Variants in MYO1G observed in about 807,000 individuals in gnomAD.
MYO1G encodes the protein unconventional myosin-Ig.
A neutral mutation model predicts 115.3 loss-of-function variants in MYO1G; 65 were observed. That is an observed-to-expected ratio of 0.56 (90% CI 0.46 to 0.69). The LOEUF (loss-of-function observed/expected upper bound fraction) is 0.69. MYO1G is among the 30% of genes least tolerant of loss of function. The probability of loss-of-function intolerance (pLI) is 0.00; values close to 1 mark genes in which losing one functional copy is unlikely to be tolerated. For missense variants in MYO1G, 1,204 were observed against 1,393.5 expected (o/e 0.86, Z 2.16); for synonymous variants, 510 against 552.6 (o/e 0.92, Z 1.08).
Position 44,962,866 on chromosome 7 carries a change from G to A in MYO1G, c.2930C>T (p.Ser977Phe). 1 of 1,501,316 alleles carries A rather than the reference G, an allele frequency of 6.7e-7. No individual in the cohort carries two copies. The highest frequency in any genetic ancestry group is 2.7e-5 in the East Asian group (1 of 37,726). The allele number at this position is 1,501,316 out of a possible 1,614,324, so 93.0% of individuals were successfully genotyped here. ...GEGRTLEVRV[S>F]DCIPLSHRGV... ...GCGATGGCTTAGTGGGATGCAGTCG[G>A]AGACGCGAACCTCCAGGGTGCGGCC... Residue 977 changes from serine (S) to phenylalanine (F), a missense_variant, in exon 22 of 22, where the codon TCC becomes TTC. Transcript: ENST00000258787. This position sits in a 1 kb window ranked among gnomAD's most constrained non-coding sequence, Gnocchi z 5.3.
At chr7:44,965,124 CAT>C (rs746410605) in intron 17 of MYO1G, 35 bp from the exon 18 acceptor site, 1 of 1,579,150 alleles carries the variant, frequency 6.3e-7, no homozygotes, top group African/African-American at 1.3e-5. Flanking sequence ...AGATGCTGGC[CAT>C]GTGTTCATGT....
chr7:44,968,486 T>A (rs147887687), intron 12 of MYO1G: 1 of 152,370 alleles, frequency 6.6e-6, no homozygotes, highest in African/African-American at 2.4e-5. Context: ...GCAGCACCTA[T>A]GAAGGCTCAG....
chr7:44,968,005 G>A, intron 12 of MYO1G, 47 bp from the exon 13 acceptor site: 2 of 1,549,386 alleles, frequency 1.3e-6, no homozygotes, highest in East Asian at 4.5e-5. Flanking sequence ...GGGGCTGCCA[G>A]GCCAGAGTGC....
chr7:44,965,534 G>A, intron 17 of MYO1G, 103 bp downstream of exon 17: 1 of 1,095,558 alleles, frequency 9.1e-7, no homozygotes, highest in South Asian at 1.4e-5. Context: ...CTATCAAGGG[G>A]GCTGGTGTAT....
Position 44,970,783 on chromosome 7 carries a change from T to A in MYO1G, c.1072-46A>T, listed in dbSNP as rs202027570. The A allele has an allele frequency of 7.2e-4, 1,166 of 1,613,344 alleles. 7 individuals carry two copies. The Middle Eastern group carries it at 0.016, about 22-fold the overall frequency. On this transcript the variant is annotated intron_variant, in intron 8 of 21. Coordinates refer to ENST00000258787, the MANE Select transcript of MYO1G (RefSeq NM_033054.3). ...GCTTCCTGCTGCCTCTGGCCTGGCCTCCCCCATGAAGGCCTCCTGGGCTTC... is the reference window on the plus strand; with the variant it reads ...GCTTCCTGCTGCCTCTGGCCTGGCCACCCCCATGAAGGCCTCCTGGGCTTC...
rs1022646440 is a variant in MYO1G, at chr7:44,966,626, C to T, written c.1949+46G>A. 1 of 1,611,042 alleles carries T rather than the reference C, an allele frequency of 6.2e-7. No individual in the cohort carries two copies. Among genetic ancestry groups the T allele is most frequent in the Non-Finnish European group, 8.5e-7 (1 of 1,178,696 alleles). Reference sequence around the variant, plus strand: ...CTCTGCTCCTACCCCTTGGACTCCACACAGGGACTATGGCCCATGGAGTGA... The same window carrying T: ...CTCTGCTCCTACCCCTTGGACTCCATACAGGGACTATGGCCCATGGAGTGA... On this transcript the variant is annotated intron_variant, in intron 15 of 21. Coordinates refer to ENST00000258787, the MANE Select transcript of MYO1G (RefSeq NM_033054.3). This position sits in a 1 kb window ranked among gnomAD's most constrained non-coding sequence, Gnocchi z 5.0.
chr7:44,965,582 A>G, intron 17 of MYO1G, 55 bp downstream of exon 17: 3 of 1,528,764 alleles, frequency 2.0e-6, no homozygotes, highest in Non-Finnish European at 2.7e-6. Flanking sequence ...ATGATGGGTT[A>G]AGGTATTCAG....
rs1285111853 is a variant in MYO1G, at chr7:44,966,431, CAT to C, written c.1950-153_1950-152del. The C allele has an allele frequency of 4.9e-6, 4 of 819,116 alleles. No homozygotes were observed. Among genetic ancestry groups the C allele is most frequent in the Non-Finnish European group, 8.1e-6 (4 of 492,420 alleles). 50.7% of individuals were successfully genotyped at this position (819,116 alleles called of 1,614,324 possible). The stretch of plus-strand genomic sequence containing the variant: ...CTGTGCACATATGTCTTCCCATACA[CAT>C]GTCCTCACATACATGTCCTCACACA... On this transcript the variant is annotated intron_variant, in intron 15 of 21. Transcript: ENST00000258787. The surrounding 1 kb of genome is among the most constrained non-coding windows in gnomAD (Gnocchi z 5.0).
At position 44,970,165 on chromosome 7, in the gene MYO1G, G is replaced by T; in HGVS notation, c.1218-11C>A. The T allele has an allele frequency of 6.2e-7, 1 of 1,600,350 alleles. No homozygotes were observed. The highest frequency in any genetic ancestry group is 8.6e-7 in the Non-Finnish European group (1 of 1,168,328). On this transcript the variant is annotated splice_polypyrimidine_tract_variant and intron_variant, in intron 9 of 21. Coordinates refer to ENST00000258787, the MANE Select transcript of MYO1G (RefSeq NM_033054.3). ...CAGAACTGCTCGAAACTGGGGGTGG[G>T]GTGGGCCTTTCAGAGGGGAGGTCGC...
Position 44,962,941 on chromosome 7 carries a change from G to C in MYO1G, c.2900+29C>G, listed in dbSNP as rs1350284383. 6.6e-7 allele frequency: 1 copy of C among 1,508,346 alleles called. No individual in the cohort carries two copies. Among genetic ancestry groups the C allele is most frequent in the South Asian group, 1.2e-5 (1 of 80,544 alleles). 93.4% of individuals were successfully genotyped at this position (1,508,346 alleles called of 1,614,324 possible). A position where few individuals can be genotyped will look rare whatever the true frequency, so the allele number is the denominator to read the frequency against. ...AGGGCGGCCACGCGGCCGGGGCTTC[G>C]TGCCCGCTACCGCCCAGCCTGCACT... On this transcript the variant is annotated intron_variant, in intron 21 of 21. Coordinates refer to ENST00000258787, the MANE Select transcript of MYO1G (RefSeq NM_033054.3). The surrounding 1 kb of genome is among the most constrained non-coding windows in gnomAD (Gnocchi z 5.3).
Position 44,962,939 on chromosome 7 carries a change from T to C in MYO1G, c.2900+31A>G, listed in dbSNP as rs1303886556. 2.7e-6 allele frequency: 4 copies of C among 1,507,282 alleles called. No individual in the cohort carries two copies. The Admixed American group carries it at 8.6e-5, about 32-fold the overall frequency. 93.4% of individuals were successfully genotyped at this position (1,507,282 alleles called of 1,614,324 possible). ...TCAGGGCGGCCACGCGGCCGGGGCT[T>C]CGTGCCCGCTACCGCCCAGCCTGCA... is the stretch of plus-strand genomic sequence containing the variant. On this transcript the variant is annotated intron_variant, in intron 21 of 21. Transcript: ENST00000258787. This position sits in a 1 kb window ranked among gnomAD's most constrained non-coding sequence, Gnocchi z 5.3.
At chr7:44,972,434 A>AGCTATGACTCCACCATGAAGTCACTGT in intron 5 of MYO1G, 1 of 547,564 alleles carries the variant, frequency 1.8e-6, no homozygotes. Flanking sequence ...CTTCAGTGGG[A>AGCTATGACTCCACCATGAAGTCACTGT]GCTATGACTC....
At position 44,967,724 on chromosome 7, in the gene MYO1G, GAGT is replaced by G. The variant is rs1328515830; in HGVS notation, c.1660_1662del (p.Thr554del). 1 of 1,613,490 alleles carries G rather than the reference GAGT, an allele frequency of 6.2e-7. No homozygotes were observed. Among genetic ancestry groups the G allele is most frequent in the Non-Finnish European group, 8.5e-7 (1 of 1,180,042 alleles). On this transcript the variant is annotated inframe_deletion, in exon 14 of 22. Transcript: ENST00000258787. ...TGCCCGTCCGGCCACATGGCCCGTA[GAGT>G]GGGGTCCGTGCTGCAGACACAGGCC...
rs1181978067 is a variant in MYO1G at position 44,964,146 on chromosome 7, T to C, written c.2648A>G (p.Lys883Arg). 6 of 1,596,246 alleles carry C rather than the reference T, an allele frequency of 3.8e-6. No homozygotes were observed. The highest frequency in any genetic ancestry group is 1.7e-5 in the Admixed American group (1 of 57,286). ...SHVRKVNRFH[K>R]IRNRALLLTD... Reference sequence around the variant, plus strand: ...GAGCAGGAGGGCCCGGTTCCGGATCTTGTGGAAGCGGTTCACCTGTGGGAG... The same window carrying C: ...GAGCAGGAGGGCCCGGTTCCGGATCCTGTGGAAGCGGTTCACCTGTGGGAG... The change falls in exon 20 of 22, where the codon AAG (lysine) becomes AGG (arginine). Residue 883 changes from lysine to arginine, a missense_variant. Physicochemically the swap from Lys to Arg is conservative, Grantham distance 26. Coordinates refer to ENST00000258787, the MANE Select transcript of MYO1G (RefSeq NM_033054.3). This position sits in a 1 kb window ranked among gnomAD's most constrained non-coding sequence, Gnocchi z 5.1.
Position 44,963,010 on chromosome 7 carries a change from C to CT in MYO1G, c.2859_2860insA (p.Val954SerfsTer?). The CT allele has an allele frequency of 6.5e-7, 1 of 1,533,180 alleles. No homozygotes were observed. Among genetic ancestry groups the CT allele is most frequent in the South Asian group, 1.2e-5 (1 of 83,818 alleles). The allele number at this position is 1,533,180 out of a possible 1,614,324, so 95.0% of individuals were successfully genotyped here. A position where few individuals can be genotyped will look rare whatever the true frequency, so the allele number is the denominator to read the frequency against. ...GCCAGCACGCCCACCAGCTCCCCAA[C>CT]GCGGTTGTCCAATGGCGGCCGGGAG... On this transcript the variant is annotated frameshift_variant, in exon 21 of 22. Transcript: ENST00000258787. LOFTEE classifies it high-confidence loss of function. The surrounding 1 kb of genome is among the most constrained non-coding windows in gnomAD (Gnocchi z 4.1).
intron 3 of MYO1G, 80 bp from the exon 4 acceptor site, chr7:44,975,729 A>G (rs1331969222): frequency 5.8e-6 from 8 of 1,390,652 alleles, no homozygotes; most frequent in Non-Finnish European, 7.6e-6. Context: ...AGTCTTCCCA[A>G]CAGAAATCAC....
Position 44,962,854 on chromosome 7 carries a change from G to A in MYO1G, c.2942C>T (p.Pro981Leu). Residue 981 changes from proline to leucine, a missense_variant, in exon 22 of 22, where the codon CCA becomes CTA. Transcript: ENST00000258787. This position sits in a 1 kb window ranked among gnomAD's most constrained non-coding sequence, Gnocchi z 5.3. ...GCGCCGGACCCCGCGATGGCTTAGTGGGATGCAGTCGGAGACGCGAACCTC... is the reference window on the plus strand; with the variant it reads ...GCGCCGGACCCCGCGATGGCTTAGTAGGATGCAGTCGGAGACGCGAACCTC... ...TLEVRVSDCI[P>L]LSHRGVRRLI... 1.3e-6 allele frequency: 2 copies of A among 1,509,840 alleles called. No homozygotes were observed. Among genetic ancestry groups the A allele is most frequent in the Non-Finnish European group, 8.8e-7 (1 of 1,131,630 alleles). The allele number at this position is 1,509,840 out of a possible 1,614,324, so 93.5% of individuals were successfully genotyped here. A position where few individuals can be genotyped will look rare whatever the true frequency, so the allele number is the denominator to read the frequency against.
In MYO1G at chr7:44,971,772, C is replaced by T. The variant is rs1469763171; in HGVS notation, c.747G>A (p.Glu249=). ...MTVHSALDSD[E]QSHQAVTEAM... ...CCTCGGTCACTGCCTGGTGGCTCTG[C>T]TCATCACTGTCCAAGGCCTAGGGTA... Residue 249 remains glutamate, a synonymous_variant, in exon 7 of 22, where the codon GAG becomes GAA. Coordinates refer to ENST00000258787, the MANE Select transcript of MYO1G (RefSeq NM_033054.3). 1.9e-6 allele frequency: 3 copies of T among 1,555,894 alleles called. No individual in the cohort carries two copies. The highest frequency in any genetic ancestry group is 1.9e-5 in the Admixed American group (1 of 51,642).
chr7:44,966,001 G>A lies in MYO1G; in HGVS notation c.2157+72C>T. On this transcript the variant is annotated intron_variant, in intron 16 of 21. Coordinates refer to ENST00000258787, the MANE Select transcript of MYO1G (RefSeq NM_033054.3). This position sits in a 1 kb window ranked among gnomAD's most constrained non-coding sequence, Gnocchi z 5.0. ...AGAGACTCCTGTGAAACTTACAAGTGTGTTTGTGGCCCCTGGGACACAAGC... is the reference window on the plus strand; with the variant it reads ...AGAGACTCCTGTGAAACTTACAAGTATGTTTGTGGCCCCTGGGACACAAGC... The A allele has an allele frequency of 6.4e-7, 1 of 1,574,088 alleles. No individual in the cohort carries two copies. Among genetic ancestry groups the A allele is most frequent in the Non-Finnish European group, 8.6e-7 (1 of 1,157,354 alleles).
Sources: allele counts gnomAD v4.1 joint callset, GRCh38; gene constraint gnomAD v4.1.1; non-coding constraint Gnocchi (gnomAD v3.1); transcripts MANE v1.5; gene names NCBI Gene and HGNC (gene_info 2026-07-23, HGNC 2026-07-21).